The following ANKRD55 variants were observed in gnomAD, a reference collection of about 807,000 sequenced individuals.
ANKRD55 encodes ankyrin repeat domain-containing protein 55.
ANKRD55 carries 41 observed loss-of-function variants against 60.6 expected under a neutral mutation model. That is an observed-to-expected ratio of 0.68 (90% CI 0.53 to 0.88). The LOEUF (loss-of-function observed/expected upper bound fraction) is 0.88, where lower values mean the gene tolerates loss of function less well. ANKRD55 is among the 40% of genes least tolerant of loss of function. The pLI, the probability that ANKRD55 is intolerant of heterozygous loss-of-function variation, is 0.00. For missense variants in ANKRD55, 732 were observed against 767.6 expected (o/e 0.95, Z 0.55); for synonymous variants, 264 against 290.3 (o/e 0.91, Z 0.92).
At chr5:56,154,113 T>A (rs1285505058) in intron 6 of ANKRD55, among the ~76,000 whole-genome samples, 1 of 138,724 alleles carries the variant, frequency 7.2e-6, no homozygotes, top group Non-Finnish European at 1.5e-5. Context: ...CTTCGGAGGC[T>A]GAGGCAGAAC....
chr5:56,194,149 C>T (rs1179902275), intron 2 of ANKRD55, among the ~76,000 whole-genome samples: 1 of 151,914 alleles, frequency 6.6e-6, no homozygotes, highest in Non-Finnish European at 1.5e-5. Flanking sequence ...AACCTCATCT[C>T]CACTAAAAAT....
chr5:56,128,585 T>C (rs114175721), intron 7 of ANKRD55, among the ~76,000 whole-genome samples: 2,149 of 152,278 alleles, frequency 0.014, 42 homozygotes, highest in Admixed American at 0.041. Context: ...TATAGCACCA[T>C]TGTTTGTATT....
At chr5:56,109,535 T>A (rs892189779) in intron 10 of ANKRD55, among the ~76,000 whole-genome samples, 2 of 151,604 alleles carry the variant, frequency 1.3e-5, no homozygotes, top group Non-Finnish European at 2.9e-5. Flanking sequence ...CACCTGTGGA[T>A]CTTTTTTTTT....
chr5:56,186,445 G>A (rs967722817), intron 2 of ANKRD55, among the ~76,000 whole-genome samples: 1 of 152,146 alleles, frequency 6.6e-6, no homozygotes, highest in Non-Finnish European at 1.5e-5. Context: ...GTAAGCCACT[G>A]TTCCTGGCCA....
intron 2 of ANKRD55, among the ~76,000 whole-genome samples, chr5:56,202,602 AT>A (rs552291604): frequency 2.6e-5 from 4 of 152,242 alleles, no homozygotes; most frequent in Non-Finnish European, 5.9e-5. Context: ...AACTTTCCAC[AT>A]GTACCAGTTG....
intron 11 of ANKRD55, among the ~76,000 whole-genome samples, chr5:56,101,782 AT>A (rs1325271737): frequency 2.6e-5 from 4 of 151,134 alleles, no homozygotes; most frequent in African/African-American, 4.9e-5. Flanking sequence ...GATGAACTGC[AT>A]TTTTTTTTCT....
At chr5:56,167,190 A>T (rs1758503221) in intron 5 of ANKRD55, among the ~76,000 whole-genome samples, 1 of 152,196 alleles carries the variant, frequency 6.6e-6, no homozygotes, top group Admixed American at 6.5e-5. Flanking sequence ...CGATTTCATC[A>T]TTGTGTGGAC....
chr5:56,209,479 T>C (rs1421220230), intron 2 of ANKRD55, among the ~76,000 whole-genome samples: 1 of 151,462 alleles, frequency 6.6e-6, no homozygotes, highest in Non-Finnish European at 1.5e-5. Context: ...TTTTTTTTTT[T>C]TTTTTGAGAC....
intron 2 of ANKRD55, among the ~76,000 whole-genome samples, chr5:56,211,927 G>C (rs1481821527): frequency 1.3e-5 from 2 of 152,116 alleles, no homozygotes; most frequent in Non-Finnish European, 2.9e-5. Flanking sequence ...GGTTGAACAA[G>C]TTCTTTTAAA....
chr5:56,143,375 C>T (rs1283541710), intron 7 of ANKRD55, among the ~76,000 whole-genome samples: 1 of 152,124 alleles, frequency 6.6e-6, no homozygotes, highest in African/African-American at 2.4e-5. Flanking sequence ...GATGCAGGGT[C>T]ATGAGCCACT....
At chr5:56,190,567 T>G (rs1759071307) in intron 2 of ANKRD55, among the ~76,000 whole-genome samples, 1 of 152,338 alleles carries the variant, frequency 6.6e-6, no homozygotes, top group South Asian at 2.1e-4. Context: ...CCAACATCAT[T>G]CATTGAAAAT....
At chr5:56,113,402 A>T (rs979800070) in intron 9 of ANKRD55, among the ~76,000 whole-genome samples, 2 of 152,194 alleles carry the variant, frequency 1.3e-5, no homozygotes, top group African/African-American at 4.8e-5. Flanking sequence ...AGGGAGTACA[A>T]GTTATTAATT....
chr5:56,228,002 A>G (rs1477268811), intron 2 of ANKRD55, among the ~76,000 whole-genome samples: 1 of 152,088 alleles, frequency 6.6e-6, no homozygotes, highest in Non-Finnish European at 1.5e-5. Context: ...ATGAGAATGG[A>G]TTTTACCAAA....
chr5:56,158,112 C>T (rs1289798003), intron 6 of ANKRD55, among the ~76,000 whole-genome samples: 6 of 151,832 alleles, frequency 4.0e-5, no homozygotes, highest in Non-Finnish European at 7.4e-5. Context: ...ATCTGGGAGG[C>T]GGAGGCTGTA....
chr5:56,146,474 C>T (rs1366417269), intron 6 of ANKRD55, among the ~76,000 whole-genome samples: 2 of 151,986 alleles, frequency 1.3e-5, no homozygotes, highest in Non-Finnish European at 2.9e-5. Context: ...TTAGTAGAGA[C>T]AGGTTTCACC....
At chr5:56,144,629 G>C (rs1444596705) in intron 6 of ANKRD55, among the ~76,000 whole-genome samples, 1 of 152,194 alleles carries the variant, frequency 6.6e-6, no homozygotes, top group Non-Finnish European at 1.5e-5. Flanking sequence ...TAATTCAGTG[G>C]AGAGACAATG....
intron 3 of ANKRD55, among the ~76,000 whole-genome samples, chr5:56,177,818 G>A (rs569605801): frequency 1.3e-5 from 2 of 151,968 alleles, no homozygotes; most frequent in African/African-American, 4.8e-5. Flanking sequence ...AGAATCCCTA[G>A]ATATTGTTTT....
chr5:56,100,274 C>A lies in ANKRD55; in HGVS notation c.1754G>T (p.Arg585Leu), dbSNP rs760574790. 6.2e-7 allele frequency: 1 copy of A among 1,614,078 alleles called. No individual in the cohort carries two copies. Among genetic ancestry groups the A allele is most frequent in the East Asian group, 2.2e-5 (1 of 44,886 alleles). ...TTGACTTGGAATTGCAGGAAGCACT[C>A]GGTTTGTCCGCAGAGGTTCTCCAGA... ...FLSGEPLRTNRVLPAIPSQRR... is the reference protein window; with the variant it reads ...FLSGEPLRTNLVLPAIPSQRR... The change falls in exon 12 of 12, where the codon CGA (arginine) becomes CTA (leucine). Residue 585 changes from arginine (R) to leucine (L), a missense_variant. By Grantham distance (102) the Arg-to-Leu change is moderately radical. This residue lies in a region of ANKRD55 where 597 missense variants were observed against 607.5 expected (regional missense o/e 0.98). Transcript: ENST00000341048.
chr5:56,177,293 T>C (rs958426533), intron 3 of ANKRD55, among the ~76,000 whole-genome samples: 19 of 152,134 alleles, frequency 1.2e-4, no homozygotes, highest in African/African-American at 4.1e-4. Flanking sequence ...TCATCTGTAC[T>C]GGGAAAAAGC....
Sources: gnomAD v4.1 joint callset for allele counts (sites outside exome capture counted in the v4.1 genomes callset) on GRCh38, gnomAD v4.1.1 for gene constraint, gnomAD v4.1.1 regional missense constraint, MANE v1.5 for transcripts, NCBI Gene and HGNC (gene_info 2026-07-23, HGNC 2026-07-21) for gene names.